EFCAB3: variants seen among roughly 807,000 people sequenced by gnomAD.
EFCAB3 encodes the protein EF-hand calcium-binding domain-containing protein 3.
EFCAB3 carries 36 observed loss-of-function variants against 42.2 expected under a neutral mutation model. That is an observed-to-expected ratio of 0.85 (90% CI 0.65 to 1.13). The LOEUF (loss-of-function observed/expected upper bound fraction) is 1.13, where lower values mean the gene tolerates loss of function less well. Among genes scored for constraint, EFCAB3 ranks in the 50% most tolerant of loss-of-function variants. EFCAB3 has a pLI of 0.00. For synonymous variants in EFCAB3, 170 were observed against 172.8 expected, an observed-to-expected ratio of 0.98 and a Z score of 0.13; for missense variants, 418 against 505.1, an observed-to-expected ratio of 0.83 and a Z score of 1.65.
At chr17:62,377,878 G>C, upstream of EFCAB3, 1 of 1,020,510 alleles carries the variant, frequency 9.8e-7, no homozygotes, top group Non-Finnish European at 1.4e-6. Context: ...ACTCATCTGG[G>C]GAAAAAAATA....
At chr17:62,383,568 A>G (rs144834872) in intron 2 of EFCAB3, among the ~76,000 whole-genome samples, 22 of 152,366 alleles carry the variant, frequency 1.4e-4, no homozygotes, top group African/African-American at 5.0e-4. Context: ...CTTTAGTTAT[A>G]AAACAAAACA....
chr17:62,378,959 G>A (rs1470528373), upstream of EFCAB3, among the ~76,000 whole-genome samples: 2 of 152,008 alleles, frequency 1.3e-5, no homozygotes, highest in Non-Finnish European at 2.9e-5. Context: ...GGCAGAATTA[G>A]GTTGATGATC....
upstream of EFCAB3, among the ~76,000 whole-genome samples, chr17:62,377,480 T>C (rs542089249): frequency 3.4e-4 from 52 of 152,280 alleles, no homozygotes; most frequent in African/African-American, 1.2e-3. Flanking sequence ...ATTAAGGTTT[T>C]GATTGGTTGT....
At chr17:62,407,247 T>C in intron 8 of EFCAB3, 35 bp downstream of exon 8, 1 of 1,480,420 alleles carries the variant, frequency 6.8e-7, no homozygotes. Flanking sequence ...AGTTAAATAC[T>C]TGGATTTTTA....
At chr17:62,372,565 A>AG (rs200324231) in intron 1 of EFCAB3, among the ~76,000 whole-genome samples, 152,311 of 152,312 alleles carry the variant, frequency 1, 76,155 homozygotes, top group Non-Finnish European at 1. Context: ...TACAGGCGTG[A>AG]CCACCGCGCC....
At position 62,382,285 on chromosome 17, in the gene EFCAB3, C is replaced by T. The variant is rs1386184933; in HGVS notation, c.-17-678C>T. The stretch of plus-strand genomic sequence containing the variant: ...ACTTTTTCCATATATTTCCAGAATG[C>T]TCATTATCTGTGTCACATGGCACCA... On this transcript the variant is annotated intron_variant, in intron 1 of 9. Transcript: ENST00000305286. 2.6e-5 allele frequency among the ~76,000 whole-genome samples: 4 copies of T among 152,124 alleles called. No individual in the cohort carries two copies. The South Asian group carries it at 8.3e-4, about 32-fold the overall frequency.
intron 1 of EFCAB3, chr17:62,381,689 C>T (rs1407715816): frequency 4.6e-6 from 1 of 215,750 alleles, no homozygotes; most frequent in East Asian, 1.3e-4. Context: ...TCACCTCCCT[C>T]CTGCTGGCTG....
At chr17:62,385,313 T>G (rs73329485) in intron 2 of EFCAB3, among the ~76,000 whole-genome samples, 4,260 of 152,138 alleles carry the variant, frequency 0.028, 202 homozygotes, top group African/African-American at 0.097. Context: ...TATGGTGGCA[T>G]GCACCTATAG....
rs146747941 is a variant in EFCAB3, at chr17:62,387,326, A to G, written c.75-14A>G. The G allele has an allele frequency of 2.3e-4, 365 of 1,596,058 alleles. No individual in the cohort carries two copies. The East Asian group carries it at 8.0e-3, about 35-fold the overall frequency. On this transcript the variant is annotated splice_polypyrimidine_tract_variant and intron_variant, in intron 2 of 9. Coordinates refer to ENST00000305286, the MANE Select transcript of EFCAB3 (RefSeq NM_173503.4). ...ATAGGTAGTAAATCTAAATATTTTC[A>G]CATCTTTCCTCAGGGATAGAGACTT...
upstream of EFCAB3, among the ~76,000 whole-genome samples, chr17:62,376,351 C>T (rs1239820225): frequency 1.3e-5 from 2 of 152,052 alleles, no homozygotes. Context: ...ACACTCCCAG[C>T]TACTTGGGAG....
At chr17:62,387,158 A>C (rs2070259237) in intron 2 of EFCAB3, among the ~76,000 whole-genome samples, 182 bp from the exon 3 acceptor site, 1 of 152,158 alleles carries the variant, frequency 6.6e-6, no homozygotes, top group Admixed American at 6.6e-5. Flanking sequence ...CTCAGTGGCC[A>C]ACATTTTCTC....
At chr17:62,387,298 C>A in intron 2 of EFCAB3, 42 bp from the exon 3 acceptor site, 1 of 1,501,264 alleles carries the variant, frequency 6.7e-7, no homozygotes, top group Non-Finnish European at 9.2e-7. Flanking sequence ...CTGCTGGTTT[C>A]ACATAGGTAG....
chr17:62,394,584 G>T (rs1382502870), intron 5 of EFCAB3, among the ~76,000 whole-genome samples: 1 of 152,044 alleles, frequency 6.6e-6, no homozygotes, highest in Non-Finnish European at 1.5e-5. Flanking sequence ...TCCCCTCATG[G>T]TTTGTTTATA....
chr17:62,393,688 A>G, intron 5 of EFCAB3, 44 bp downstream of exon 5: 1 of 1,520,682 alleles, frequency 6.6e-7, no homozygotes, highest in Non-Finnish European at 9.1e-7. Context: ...GGCAGCTACA[A>G]CTCACTGCAC....
chr17:62,388,154 T>C (rs1168418705), intron 3 of EFCAB3, among the ~76,000 whole-genome samples: 1 of 151,236 alleles, frequency 6.6e-6, no homozygotes, highest in Non-Finnish European at 1.5e-5. Context: ...GAGGTTGCAG[T>C]AAGCCGAGAT....
At chr17:62,402,845 G>T (rs1397949433) in intron 6 of EFCAB3, among the ~76,000 whole-genome samples, 1 of 152,164 alleles carries the variant, frequency 6.6e-6, no homozygotes, top group Non-Finnish European at 1.5e-5. Context: ...CTATTGATTG[G>T]AATAGTTTCA....
In EFCAB3 at chr17:62,416,256, C is replaced by T. The variant is rs2070548132; in HGVS notation, c.1244C>T (p.Ser415Leu). 6.2e-7 allele frequency: 1 copy of T among 1,613,776 alleles called. No homozygotes were observed. Among genetic ancestry groups the T allele is most frequent in the African/African-American group, 1.3e-5 (1 of 74,902 alleles). The change falls in exon 10 of 10, where the codon TCA becomes TTA. Residue 415 changes from serine (S) to leucine (L), a missense_variant. Physicochemically the swap from Ser to Leu is moderately radical, Grantham distance 145. Coordinates refer to ENST00000305286, the MANE Select transcript of EFCAB3 (RefSeq NM_173503.4). The stretch of plus-strand genomic sequence containing the variant: ...CATAACTCCAGATCCTCTTCCTCAT[C>T]AGATACCAGTGAATGTTACACAGAC... The part of the protein sequence containing the change: ...SSHNSRSSSS[S>L]DTSECYTDSG...
At position 62,396,593 on chromosome 17, in the gene EFCAB3, C is replaced by T. The variant is rs920661035; in HGVS notation, c.488+1405C>T. On this transcript the variant is annotated intron_variant, in intron 6 of 9. Coordinates refer to ENST00000305286, the MANE Select transcript of EFCAB3 (RefSeq NM_173503.4). The stretch of plus-strand genomic sequence containing the variant: ...GAAAAAAAAAAGAAAATTGAAGCTT[C>T]GTTTAAAAAAAAATTATAGCCAGGC... Among the ~76,000 whole-genome samples the T allele has an allele frequency of 5.3e-5, 8 of 150,570 alleles. No homozygotes were observed. The East Asian group carries it at 1.6e-3, about 30-fold the overall frequency.
At chr17:62,377,153 C>T (rs919761205), upstream of EFCAB3, among the ~76,000 whole-genome samples, 3 of 152,094 alleles carry the variant, frequency 2.0e-5, no homozygotes, top group African/African-American at 7.2e-5. Flanking sequence ...AGAATTAATC[C>T]TTTCCCCATA....
Sources: allele counts gnomAD v4.1 joint callset (sites outside exome capture counted in the v4.1 genomes callset), GRCh38; gene constraint gnomAD v4.1.1; transcripts MANE v1.5; gene names NCBI Gene and HGNC (gene_info 2026-07-23, HGNC 2026-07-21).